ADISSP: variants seen among roughly 807,000 people sequenced by gnomAD.
The protein encoded by ADISSP is adipose secreted signaling protein.
chr20:3,757,834 G>A, the ADISSP span, among the ~76,000 whole-genome samples: 10 of 151,934 alleles, frequency 6.6e-5, no homozygotes, highest in East Asian at 1.9e-4. Context: ...CGACCCATTG[G>A]CCAGGCTAAA....
the ADISSP span, among the ~76,000 whole-genome samples, chr20:3,760,640 C>T: frequency 6.6e-6 from 1 of 152,190 alleles, no homozygotes; most frequent in African/African-American, 2.4e-5. Context: ...CAACAGGGTG[C>T]TCGATGGTGG....
the ADISSP span, chr20:3,754,651 G>T: frequency 2.2e-6 from 2 of 918,700 alleles, no homozygotes; most frequent in Non-Finnish European, 3.4e-6. Flanking sequence ...GGGCAGGGAT[G>T]GCCCTTCTGG....
At chr20:3,757,046 T>TAAATAAATAAATAAATAAAG in the ADISSP span, among the ~76,000 whole-genome samples, 1 of 151,974 alleles carries the variant, frequency 6.6e-6, no homozygotes, top group African/African-American at 2.4e-5. Context: ...AATAAATAAA[T>TAAATAAATAAATAAATAAAG]AACATTTTAA....
the ADISSP span, chr20:3,760,221 G>A: frequency 1.3e-6 from 1 of 766,390 alleles, no homozygotes. Flanking sequence ...CAGGGGTCAG[G>A]GCCACTCATG....
chr20:3,765,209 T>G, the ADISSP span, among the ~76,000 whole-genome samples: 1 of 152,188 alleles, frequency 6.6e-6, no homozygotes, highest in Non-Finnish European at 1.5e-5. Flanking sequence ...CACACACAAT[T>G]CCTCATCAGA....
At chr20:3,754,216 C>T in the ADISSP span, 31 of 1,543,918 alleles carry the variant, frequency 2.0e-5, no homozygotes, top group Admixed American at 5.1e-5. Flanking sequence ...CCATGCGGCC[C>T]ACTAAGGGGA....
the ADISSP span, among the ~76,000 whole-genome samples, chr20:3,757,206 TGA>T: frequency 6.6e-6 from 1 of 151,834 alleles, no homozygotes; most frequent in Non-Finnish European, 1.5e-5. Context: ...AAAAATTAGC[TGA>T]GAGTGGTGGC....
the ADISSP span, chr20:3,755,439 A>C: frequency 2.5e-6 from 4 of 1,598,738 alleles, no homozygotes; most frequent in African/African-American, 4.0e-5. Context: ...TCCCACACCC[A>C]TCCAGGCCCT....
At chr20:3,763,851 G>A in the ADISSP span, among the ~76,000 whole-genome samples, 3 of 152,256 alleles carry the variant, frequency 2.0e-5, no homozygotes, top group East Asian at 3.9e-4. Flanking sequence ...GCCTCACCTC[G>A]CTCCCCACTT....
the ADISSP span, chr20:3,760,138 G>T: frequency 6.6e-7 from 1 of 1,520,760 alleles, no homozygotes; most frequent in Middle Eastern, 1.7e-4. Context: ...GCCAGACACC[G>T]CCACTCACGC....
At chr20:3,768,287 T>G in the ADISSP span, 1 of 152,496 alleles carries the variant, frequency 6.6e-6, no homozygotes, top group Non-Finnish European at 1.5e-5. Context: ...GGTTTGGACC[T>G]CTTCCCCTTC....
the ADISSP span, among the ~76,000 whole-genome samples, chr20:3,763,058 C>T: frequency 6.6e-6 from 1 of 152,106 alleles, no homozygotes; most frequent in African/African-American, 2.4e-5. Context: ...GAGTTTGGGA[C>T]CAGCCTGGCC....
At chr20:3,756,292 T>C in the ADISSP span, among the ~76,000 whole-genome samples, 1 of 152,226 alleles carries the variant, frequency 6.6e-6, no homozygotes, top group African/African-American at 2.4e-5. Context: ...CTGTGTCCAA[T>C]GGCCCATACT....
At chr20:3,760,910 G>A in the ADISSP span, among the ~76,000 whole-genome samples, 5 of 152,160 alleles carry the variant, frequency 3.3e-5, no homozygotes, top group African/African-American at 9.7e-5. Context: ...AGAATAATGA[G>A]TGCAACTGAT....
At chr20:3,753,770 C>T in the ADISSP span, 2 of 489,152 alleles carry the variant, frequency 4.1e-6, no homozygotes, top group Non-Finnish European at 7.5e-6. Flanking sequence ...AGTGGGGGAC[C>T]CACCCCAGGC....
At chr20:3,761,156 G>T in the ADISSP span, among the ~76,000 whole-genome samples, 2 of 152,066 alleles carry the variant, frequency 1.3e-5, no homozygotes, top group Non-Finnish European at 2.9e-5. Context: ...CTTTCGGAAA[G>T]AATTCTTGCT....
At chr20:3,757,537 A>G in the ADISSP span, among the ~76,000 whole-genome samples, 7 of 152,088 alleles carry the variant, frequency 4.6e-5, no homozygotes, top group Non-Finnish European at 8.8e-5. Flanking sequence ...GGTTTGTTCC[A>G]TTTACTCTCT....
At chr20:3,757,132 C>T in the ADISSP span, among the ~76,000 whole-genome samples, 38 of 152,256 alleles carry the variant, frequency 2.5e-4, no homozygotes, top group African/African-American at 6.7e-4. Context: ...GGACGGATCA[C>T]GAGGTCAGGA....
chr20:3,758,384 C>G, the ADISSP span: 2 of 663,526 alleles, frequency 3.0e-6, no homozygotes, highest in Non-Finnish European at 5.3e-6. The surrounding 1 kb of genome is among the most constrained non-coding windows in gnomAD (Gnocchi z 5.5). Context: ...TGAAATCTCA[C>G]TGCCTCCCAT....
Sources: gnomAD v4.1 joint callset for allele counts (sites outside exome capture counted in the v4.1 genomes callset) on GRCh38, gnomAD v4.1.1 for gene constraint, Gnocchi (gnomAD v3.1) non-coding constraint, MANE v1.5 for transcripts, NCBI Gene and HGNC (gene_info 2026-07-23, HGNC 2026-07-21) for gene names.